DCDC2: variants seen among roughly 807,000 people sequenced by gnomAD.
DCDC2 encodes the protein doublecortin domain-containing protein 2.
Under a neutral mutation model 50.2 loss-of-function variants are expected in DCDC2, and 40 were observed. The ratio of observed to expected loss-of-function variants is 0.80; its 90% confidence interval spans 0.62 to 1.04. DCDC2 has a LOEUF of 1.04. DCDC2 is among the 50% of genes least tolerant of loss of function. The pLI, the probability that DCDC2 is intolerant of heterozygous loss-of-function variation, is 0.00. For synonymous variants in DCDC2, 234 were observed against 210.6 expected (o/e 1.11, Z -0.96); for missense variants, 570 against 581.9 (o/e 0.98, Z 0.21).
At chr6:24,181,114 G>T (rs373639778) in intron 8 of DCDC2, among the ~76,000 whole-genome samples, 1 of 152,136 alleles carries the variant, frequency 6.6e-6, no homozygotes, top group Non-Finnish European at 1.5e-5. Flanking sequence ...GTCAAATAGC[G>T]GAGAGTCCTA....
chr6:24,253,966 A>G (rs1762843957), intron 7 of DCDC2, among the ~76,000 whole-genome samples: 1 of 152,216 alleles, frequency 6.6e-6, no homozygotes, highest in African/African-American at 2.4e-5. Flanking sequence ...TTCATAACAA[A>G]GCACAAACAC....
At chr6:24,228,388 A>G (rs184040422) in intron 7 of DCDC2, among the ~76,000 whole-genome samples, 121 of 152,320 alleles carry the variant, frequency 7.9e-4, no homozygotes, top group Admixed American at 2.5e-3. Context: ...TGTAAAGTTA[A>G]GTCTAACGGT....
At chr6:24,329,606 A>G (rs957628170) in intron 2 of DCDC2, among the ~76,000 whole-genome samples, 24 of 152,202 alleles carry the variant, frequency 1.6e-4, no homozygotes, top group African/African-American at 5.3e-4. Context: ...AGAATGGGGA[A>G]TTGGAGTTAG....
intron 7 of DCDC2, among the ~76,000 whole-genome samples, chr6:24,232,858 G>T (rs1276118317): frequency 6.6e-6 from 1 of 151,848 alleles, no homozygotes; most frequent in Non-Finnish European, 1.5e-5. Context: ...CTTGTTTCAT[G>T]CTGTACTTCC....
At chr6:24,317,543 A>T (rs1759694395) in intron 2 of DCDC2, among the ~76,000 whole-genome samples, 1 of 152,112 alleles carries the variant, frequency 6.6e-6, no homozygotes, top group Non-Finnish European at 1.5e-5. Context: ...TCATACAAGT[A>T]CTAAAAGAAA....
At chr6:24,223,728 C>A (rs369593087) in intron 7 of DCDC2, among the ~76,000 whole-genome samples, 3 of 152,204 alleles carry the variant, frequency 2.0e-5, no homozygotes, top group African/African-American at 7.2e-5. Flanking sequence ...TCATGCCAAC[C>A]AGTCTTTATA....
chr6:24,321,715 T>C (rs1759777306), intron 2 of DCDC2, among the ~76,000 whole-genome samples: 1 of 152,206 alleles, frequency 6.6e-6, no homozygotes, highest in African/African-American at 2.4e-5. Flanking sequence ...AAAAGCGATA[T>C]CACTGGTATT....
At chr6:24,314,479 A>AAAAAACAAAAAC (rs151094615) in intron 2 of DCDC2, among the ~76,000 whole-genome samples, 1 of 151,686 alleles carries the variant, frequency 6.6e-6, no homozygotes, top group African/African-American at 2.4e-5. Context: ...GTTGTCTCAA[A>AAAAAACAAAAAC]AAAAACAAAA....
chr6:24,174,580 G>T lies in DCDC2; in HGVS notation c.*150C>A. ...TTTAGTAGCCATTTAAAGTTATCTG[G>T]TCTTTCCACTAGGCTTCTAATGTTA... On this transcript the variant is annotated 3_prime_UTR_variant, in exon 10 of 10. Transcript: ENST00000378454. 1 of 486,716 alleles carries T rather than the reference G, an allele frequency of 2.1e-6. No homozygotes were observed. Among genetic ancestry groups the T allele is most frequent in the Admixed American group, 3.4e-5 (1 of 29,252 alleles). The allele number at this position is 486,716 out of a possible 1,614,324, so 30.1% of individuals were successfully genotyped here.
rs1760830880 is a variant in DCDC2 at position 24,173,420 on chromosome 6, A to C, written c.*1310T>G. ...CACTAGAAGTTAAAATTTCAAGCTT[A>C]CAACTTCCACATAATTAAAAATATA... On this transcript the variant is annotated 3_prime_UTR_variant, in exon 10 of 10. Transcript: ENST00000378454. 6.6e-6 allele frequency: 1 copy of C among 152,210 alleles called. No individual in the cohort carries two copies. The highest frequency in any genetic ancestry group is 6.5e-5 in the Admixed American group (1 of 15,292). 9.4% of individuals were successfully genotyped at this position (152,210 alleles called of 1,614,324 possible). A position where few individuals can be genotyped will look rare whatever the true frequency, so the allele number is the denominator to read the frequency against.
intron 2 of DCDC2, among the ~76,000 whole-genome samples, chr6:24,338,803 G>A (rs1282289268): frequency 1.3e-5 from 2 of 151,934 alleles, no homozygotes; most frequent in Admixed American, 1.3e-4. Flanking sequence ...ACACCACCAC[G>A]CCCAGCTAAT....
chr6:24,215,629 A>G (rs1761956446), intron 7 of DCDC2, among the ~76,000 whole-genome samples: 1 of 152,238 alleles, frequency 6.6e-6, no homozygotes, highest in East Asian at 1.9e-4. Flanking sequence ...TGAAGCCACC[A>G]AAGGCAATAC....
intron 8 of DCDC2, among the ~76,000 whole-genome samples, chr6:24,187,284 T>C (rs1761225451): frequency 6.6e-6 from 1 of 150,790 alleles, no homozygotes; most frequent in Non-Finnish European, 1.5e-5. Context: ...GTGGGGAGAG[T>C]CCTCTGTGGA....
At chr6:24,311,794 C>T (rs151263947) in intron 2 of DCDC2, among the ~76,000 whole-genome samples, 22 of 152,326 alleles carry the variant, frequency 1.4e-4, no homozygotes, top group Non-Finnish European at 4.4e-5. Flanking sequence ...GCAGCACATA[C>T]GTTCTCACGT....
intron 8 of DCDC2, among the ~76,000 whole-genome samples, chr6:24,192,082 C>A (rs1267282985): frequency 6.6e-6 from 1 of 152,188 alleles, no homozygotes; most frequent in Non-Finnish European, 1.5e-5. Flanking sequence ...CCCCTGAGAT[C>A]ACCTCCCTTG....
chr6:24,357,216 T>C, intron 1 of DCDC2: 1 of 407,390 alleles, frequency 2.5e-6, no homozygotes. Flanking sequence ...TTAAGATTCC[T>C]GTTGTTTATA....
At chr6:24,341,195 A>G (rs578079368) in intron 2 of DCDC2, among the ~76,000 whole-genome samples, 1 of 152,342 alleles carries the variant, frequency 6.6e-6, no homozygotes, top group South Asian at 2.1e-4. Context: ...GATTTCCTAG[A>G]GAGAACAGTT....
chr6:24,232,004 TAC>T (rs57865332), intron 7 of DCDC2, among the ~76,000 whole-genome samples: 17,004 of 148,372 alleles, frequency 0.11, 1,200 homozygotes, highest in East Asian at 0.35. Context: ...CATATATATA[TAC>T]ACACACACAC....
intron 7 of DCDC2, among the ~76,000 whole-genome samples, chr6:24,235,699 G>A (rs1466531937): frequency 1.3e-5 from 2 of 152,114 alleles, no homozygotes; most frequent in Non-Finnish European, 1.5e-5. Flanking sequence ...ACATCATGCT[G>A]AACAGACAAA....
Sources: allele counts gnomAD v4.1 joint callset (sites outside exome capture counted in the v4.1 genomes callset), GRCh38; gene constraint gnomAD v4.1.1; transcripts MANE v1.5; gene names NCBI Gene and HGNC (gene_info 2026-07-23, HGNC 2026-07-21).